TMTC1: variants seen among roughly 807,000 people sequenced by gnomAD.
TMTC1 encodes the protein transmembrane O-mannosyltransferase targeting cadherins 1, also known as protein O-mannosyl-transferase TMTC1.
A neutral mutation model predicts 104.8 loss-of-function variants in TMTC1; 73 were observed. The observed-to-expected ratio is 0.70, with a 90% confidence interval of 0.58 to 0.85. The LOEUF (loss-of-function observed/expected upper bound fraction) is 0.85. Ranked by LOEUF, TMTC1 falls within the 40% of genes least tolerant of loss-of-function variation. TMTC1 has a pLI of 0.00. For missense variants in TMTC1, 1,035 were observed against 1,096.1 expected, an observed-to-expected ratio of 0.94 and a Z score of 0.79; for synonymous variants, 434 against 428.7, an observed-to-expected ratio of 1.01 and a Z score of -0.15.
chr12:29,717,512 C>T (rs1436208144), intron 5 of TMTC1, among the ~76,000 whole-genome samples: 1 of 152,108 alleles, frequency 6.6e-6, no homozygotes, highest in Non-Finnish European at 1.5e-5. Context: ...AGCTTTCCTC[C>T]TAACTTAAAA....
At chr12:29,524,295 T>C (rs1375050248) in intron 11 of TMTC1, among the ~76,000 whole-genome samples, 3 of 152,202 alleles carry the variant, frequency 2.0e-5, no homozygotes, top group Non-Finnish European at 4.4e-5. Context: ...GATCAAAGAA[T>C]GAGCCAGAAA....
chr12:29,545,764 T>C (rs1182931035), intron 10 of TMTC1, among the ~76,000 whole-genome samples: 1 of 152,044 alleles, frequency 6.6e-6, no homozygotes, highest in Non-Finnish European at 1.5e-5. Context: ...TTCTGATTCA[T>C]TGCATATTTT....
intron 5 of TMTC1, among the ~76,000 whole-genome samples, chr12:29,691,807 C>T (rs1346900764): frequency 7.0e-6 from 1 of 142,614 alleles, no homozygotes; most frequent in Non-Finnish European, 1.5e-5. Flanking sequence ...ACAAATAGAA[C>T]TGTGTTGGAA....
At chr12:29,542,865 T>C (rs1390362918) in intron 10 of TMTC1, among the ~76,000 whole-genome samples, 1 of 152,062 alleles carries the variant, frequency 6.6e-6, no homozygotes, top group Non-Finnish European at 1.5e-5. Flanking sequence ...AATACTGCAA[T>C]GAAAAGAGGC....
At chr12:29,553,522 G>A (rs1260188301) in intron 10 of TMTC1, among the ~76,000 whole-genome samples, 1 of 152,040 alleles carries the variant, frequency 6.6e-6, no homozygotes, top group East Asian at 1.9e-4. Flanking sequence ...CTTCTTAGGA[G>A]CTTGTTTTCT....
chr12:29,756,390 C>A (rs1943217047), intron 3 of TMTC1, among the ~76,000 whole-genome samples: 1 of 152,180 alleles, frequency 6.6e-6, no homozygotes, highest in African/African-American at 2.4e-5. Flanking sequence ...GTATCACCAT[C>A]ATCATTATGG....
At chr12:29,652,746 A>G (rs1218344750) in intron 5 of TMTC1, among the ~76,000 whole-genome samples, 1 of 152,208 alleles carries the variant, frequency 6.6e-6, no homozygotes, top group Non-Finnish European at 1.5e-5. Context: ...ATAGTCTATA[A>G]CAATAAAGTG....
intron 1 of TMTC1, among the ~76,000 whole-genome samples, chr12:29,770,199 A>C (rs1025882278): frequency 1.3e-5 from 2 of 152,160 alleles, no homozygotes; most frequent in African/African-American, 4.8e-5. Flanking sequence ...CCATTCAAAA[A>C]CTGAAAAGCA....
intron 5 of TMTC1, among the ~76,000 whole-genome samples, chr12:29,644,111 ATGTGTGTGTGTGTGTG>A (rs371107912): frequency 1.3e-5 from 1 of 74,462 alleles, no homozygotes; most frequent in African/African-American, 5.9e-5. Flanking sequence ...ATAAATATAT[ATGTGTGTGTGTGTGTG>A]TGTGTGTGTG....
chr12:29,516,592 G>A, intron 14 of TMTC1, 106 bp from the exon 15 acceptor site: 2 of 1,331,010 alleles, frequency 1.5e-6, no homozygotes, highest in Non-Finnish European at 2.0e-6. Flanking sequence ...AACATGCTCA[G>A]CATCAATTTA....
chr12:29,638,298 C>T (rs560496666), intron 5 of TMTC1, among the ~76,000 whole-genome samples: 21 of 151,918 alleles, frequency 1.4e-4, no homozygotes, highest in Non-Finnish European at 2.8e-4. Flanking sequence ...AAGAGCACGC[C>T]GACAGACCCC....
chr12:29,559,134 T>A (rs1373648662), intron 9 of TMTC1, among the ~76,000 whole-genome samples: 4 of 152,224 alleles, frequency 2.6e-5, no homozygotes, highest in Non-Finnish European at 5.9e-5. Context: ...GGGACATGTG[T>A]CTTCCTTTTT....
At chr12:29,725,195 GT>G (rs112412169) in intron 5 of TMTC1, among the ~76,000 whole-genome samples, 12 of 143,910 alleles carry the variant, frequency 8.3e-5, no homozygotes, top group South Asian at 4.4e-4. Flanking sequence ...TTTTTGTTTT[GT>G]TTTTTTTTTA....
chr12:29,750,878 T>A (rs1943073612), intron 5 of TMTC1, among the ~76,000 whole-genome samples: 1 of 152,206 alleles, frequency 6.6e-6, no homozygotes. Context: ...ATAGGGCTAC[T>A]ACTCCCCTTT....
At chr12:29,744,683 A>T (rs150547064) in intron 5 of TMTC1, among the ~76,000 whole-genome samples, 13 of 152,198 alleles carry the variant, frequency 8.5e-5, no homozygotes, top group Admixed American at 2.0e-4. Context: ...AGAAACAGTA[A>T]CAGAAAAATC....
intron 1 of TMTC1, among the ~76,000 whole-genome samples, chr12:29,777,283 T>C (rs1161174436): frequency 2.0e-5 from 3 of 151,936 alleles, no homozygotes; most frequent in African/African-American, 7.3e-5. Flanking sequence ...TTAGTAGAGA[T>C]GGGGTTTCAC....
At chr12:29,687,212 G>A (rs772834064) in intron 5 of TMTC1, among the ~76,000 whole-genome samples, 1 of 152,304 alleles carries the variant, frequency 6.6e-6, no homozygotes, top group African/African-American at 2.4e-5. Flanking sequence ...CTTCACAGTA[G>A]AGAAAACTGA....
chr12:29,626,178 G>C (rs976359442), intron 6 of TMTC1, among the ~76,000 whole-genome samples: 1 of 152,200 alleles, frequency 6.6e-6, no homozygotes, highest in Non-Finnish European at 1.5e-5. Context: ...CTTAGTGATA[G>C]AAGTATGGCA....
At position 29,504,099 on chromosome 12, in the gene TMTC1, T is replaced by C. The variant is rs1943649847; in HGVS notation, c.*2747A>G. The C allele has an allele frequency of 6.6e-6, 1 of 151,590 alleles. No homozygotes were observed. Among genetic ancestry groups the C allele is most frequent in the Non-Finnish European group, 1.5e-5 (1 of 67,926 alleles). The allele number at this position is 151,590 out of a possible 1,614,324, so 9.4% of individuals were successfully genotyped here. A position where few individuals can be genotyped will look rare whatever the true frequency, so the allele number is the denominator to read the frequency against. ...AAAGTGGAACTGTGTCTCAAAAAAA[T>C]AAATAAGAAAAAATCAAACAGACAT... On this transcript the variant is annotated 3_prime_UTR_variant, in exon 18 of 18. Coordinates refer to ENST00000539277, the MANE Select transcript of TMTC1 (RefSeq NM_001193451.2).
Sources: gnomAD v4.1 joint callset for allele counts (sites outside exome capture counted in the v4.1 genomes callset) on GRCh38, gnomAD v4.1.1 for gene constraint, MANE v1.5 for transcripts, NCBI Gene and HGNC (gene_info 2026-07-23, HGNC 2026-07-21) for gene names.